PSMA1: variants seen among roughly 807,000 people sequenced by gnomAD.
PSMA1 encodes the protein proteasome subunit alpha type-1.
Under a neutral mutation model 38.4 loss-of-function variants are expected in PSMA1, and 3 were observed. That is an observed-to-expected ratio of 0.08 (90% CI 0.04 to 0.20). The LOEUF (loss-of-function observed/expected upper bound fraction) is 0.20. Ranked by LOEUF, PSMA1 falls within the 10% of genes least tolerant of loss-of-function variation. The probability of loss-of-function intolerance (pLI) is 1.00; values close to 1 mark genes in which losing one functional copy is unlikely to be tolerated. For synonymous variants in PSMA1, 101 were observed against 107.1 expected, an observed-to-expected ratio of 0.94 and a Z score of 0.35; for missense variants, 227 against 325.3, an observed-to-expected ratio of 0.70 and a Z score of 2.32.
At chr11:14,598,302 T>C (rs1406867966) in intron 2 of PSMA1, among the ~76,000 whole-genome samples, 1 of 152,164 alleles carries the variant, frequency 6.6e-6, no homozygotes, top group Non-Finnish European at 1.5e-5. Flanking sequence ...CTGGATATGC[T>C]TGTTAACTTT....
rs544474090 is a variant in PSMA1, at chr11:14,548,695, C to T, written c.22-29654G>A. Among the ~76,000 whole-genome samples, 8 of 152,270 alleles carry T rather than the reference C, an allele frequency of 5.3e-5. No individual in the cohort carries two copies. The South Asian group carries it at 1.5e-3, about 28-fold the overall frequency. ...CACCCCACTGGATATACATATCACA[C>T]AGACACATACATCATGTGGATAGAC... On this transcript the variant is annotated intron_variant, in intron 2 of 10. Coordinates refer to the PSMA1 transcript ENST00000418988.
upstream of PSMA1, chr11:14,520,791 T>G (rs1326483272): frequency 1.8e-5 from 3 of 170,858 alleles, no homozygotes; most frequent in Non-Finnish European, 3.8e-5. Flanking sequence ...TTTCTGTGTG[T>G]CAGCTGTATT....
intron 8 of PSMA1, 90 bp from the exon 9 acceptor site, chr11:14,507,856 G>A: frequency 2.3e-6 from 2 of 861,480 alleles, no homozygotes; most frequent in Non-Finnish European, 3.7e-6. Flanking sequence ...AGCAGAATAA[G>A]AATTTATATA....
At chr11:14,562,054 G>A (rs181038677) in intron 2 of PSMA1, among the ~76,000 whole-genome samples, 2 of 152,286 alleles carry the variant, frequency 1.3e-5, no homozygotes, top group East Asian at 1.9e-4. Flanking sequence ...TCATATTTCA[G>A]GAAGCCGCTT....
intron 2 of PSMA1, among the ~76,000 whole-genome samples, chr11:14,554,363 T>C (rs1438742026): frequency 6.6e-6 from 1 of 152,186 alleles, no homozygotes; most frequent in Non-Finnish European, 1.5e-5. Flanking sequence ...CATTTCTGGG[T>C]ATCATGTTGA....
chr11:14,605,906 T>C (rs1381348162), intron 2 of PSMA1, among the ~76,000 whole-genome samples: 1 of 152,244 alleles, frequency 6.6e-6, no homozygotes, highest in Non-Finnish European at 1.5e-5. Context: ...TTGTCAATGT[T>C]TGCTTTTGCT....
At chr11:14,612,754 G>T (rs1852725147) in intron 1 of PSMA1, among the ~76,000 whole-genome samples, 1 of 152,088 alleles carries the variant, frequency 6.6e-6, no homozygotes, top group Non-Finnish European at 1.5e-5. Context: ...TAGTCATTTA[G>T]AGTAGGCTAT....
chr11:14,505,576 T>C (rs756774457), intron 9 of PSMA1, among the ~76,000 whole-genome samples: 1 of 141,746 alleles, frequency 7.1e-6, no homozygotes, highest in Non-Finnish European at 1.5e-5. Flanking sequence ...TCTAACATTG[T>C]TTAGGGTGAA....
At chr11:14,573,986 C>T (rs575705710) in intron 2 of PSMA1, among the ~76,000 whole-genome samples, 1 of 152,260 alleles carries the variant, frequency 6.6e-6, no homozygotes, top group Non-Finnish European at 1.5e-5. Flanking sequence ...AAGAATTGCC[C>T]TGGCTGCCTC....
At chr11:14,510,209 A>G (rs1006713193) in intron 8 of PSMA1, among the ~76,000 whole-genome samples, 2 of 152,112 alleles carry the variant, frequency 1.3e-5, no homozygotes, top group African/African-American at 4.8e-5. Context: ...GATTGACCTC[A>G]ACACTACTGG....
chr11:14,551,953 G>A (rs1361434365), intron 2 of PSMA1, among the ~76,000 whole-genome samples: 2 of 152,094 alleles, frequency 1.3e-5, no homozygotes, highest in Admixed American at 6.5e-5. Context: ...AAGGTAGTGA[G>A]GCTTTATAAT....
In PSMA1 at chr11:14,518,052, A is replaced by G. The variant is rs1460792373; in HGVS notation, c.49-71T>C. 1.2e-5 allele frequency: 14 copies of G among 1,144,412 alleles called. No individual in the cohort carries two copies. In the Admixed American group the frequency reaches 3.2e-4, roughly 26 times the overall value. The allele number at this position is 1,144,412 out of a possible 1,614,324, so 70.9% of individuals were successfully genotyped here. A position where few individuals can be genotyped will look rare whatever the true frequency, so the allele number is the denominator to read the frequency against. On this transcript the variant is annotated intron_variant, in intron 2 of 9. Coordinates refer to ENST00000396394, the MANE Select transcript of PSMA1 (RefSeq NM_002786.4). Reference sequence around the variant, plus strand: ...ATAAATTAAAAATTAGGGTTTTCAAATATCAGGTGAGCACAGTTAAATCTC... The same window carrying G: ...ATAAATTAAAAATTAGGGTTTTCAAGTATCAGGTGAGCACAGTTAAATCTC...
chr11:14,583,773 C>T (rs1852308349), intron 2 of PSMA1, among the ~76,000 whole-genome samples: 1 of 152,184 alleles, frequency 6.6e-6, no homozygotes, highest in African/African-American at 2.4e-5. Context: ...TAAAAATAGG[C>T]AAACATAAGT....
At chr11:14,618,720 A>G (rs1186004302) in intron 1 of PSMA1, among the ~76,000 whole-genome samples, 2 of 152,224 alleles carry the variant, frequency 1.3e-5, no homozygotes, top group African/African-American at 4.8e-5. Flanking sequence ...TCATGGTCCT[A>G]CTATTCCAAT....
intron 1 of PSMA1, among the ~76,000 whole-genome samples, chr11:14,631,255 G>T (rs1201029273): frequency 1.3e-5 from 2 of 152,104 alleles, no homozygotes; most frequent in South Asian, 4.1e-4. Context: ...TAATTGTGAT[G>T]TTAGTGTGTC....
chr11:14,633,521 A>G (rs1268948429), intron 1 of PSMA1, among the ~76,000 whole-genome samples: 2 of 151,980 alleles, frequency 1.3e-5, no homozygotes, highest in Admixed American at 6.6e-5. Context: ...GCGTGCTGGG[A>G]GAACCACTGC....
intron 2 of PSMA1, among the ~76,000 whole-genome samples, chr11:14,544,079 A>T (rs1851800203): frequency 6.6e-6 from 1 of 152,234 alleles, no homozygotes; most frequent in Admixed American, 6.5e-5. Context: ...TTGCTCTGTC[A>T]TCCAAGCTGG....
chr11:14,643,186 G>C (rs1853243044), intron 1 of PSMA1, among the ~76,000 whole-genome samples: 1 of 151,560 alleles, frequency 6.6e-6, no homozygotes, highest in Non-Finnish European at 1.5e-5. Context: ...GGCCTGCTGC[G>C]TGGCCCAAGA....
At chr11:14,594,417 GA>G (rs1565053436) in intron 2 of PSMA1, among the ~76,000 whole-genome samples, 1 of 152,136 alleles carries the variant, frequency 6.6e-6, no homozygotes, top group Admixed American at 6.6e-5. Flanking sequence ...TTGGCACAGG[GA>G]AGGGGGGGGT....
Sources: gnomAD v4.1 joint callset for allele counts (sites outside exome capture counted in the v4.1 genomes callset) on GRCh38, gnomAD v4.1.1 for gene constraint, MANE v1.5 for transcripts, NCBI Gene and HGNC (gene_info 2026-07-23, HGNC 2026-07-21) for gene names.